CDH12: variants seen among roughly 807,000 people sequenced by gnomAD.
The protein encoded by CDH12 is cadherin-12.
A neutral mutation model predicts 74.1 loss-of-function variants in CDH12; 41 were observed. The observed-to-expected ratio is 0.55, with a 90% CI of 0.43 to 0.72. The LOEUF (loss-of-function observed/expected upper bound fraction) is 0.72. Ranked by LOEUF, CDH12 falls within the 30% of genes least tolerant of loss-of-function variation. The probability of loss-of-function intolerance (pLI) is 0.00; values close to 1 mark genes in which losing one functional copy is unlikely to be tolerated. For missense variants in CDH12, 945 were observed against 977.2 expected, an observed-to-expected ratio of 0.97 and a Z score of 0.44; for synonymous variants, 399 against 355.0, an observed-to-expected ratio of 1.12 and a Z score of -1.39.
chr5:22,376,459 T>C (rs1375872334), intron 3 of CDH12, among the ~76,000 whole-genome samples: 1 of 152,168 alleles, frequency 6.6e-6, no homozygotes, highest in African/African-American at 2.4e-5. Context: ...GGACTTGAAA[T>C]GTTTCTAACA....
Position 21,877,824 on chromosome 5 carries a change from T to C in CDH12, c.527-23034A>G, listed in dbSNP as rs180943217. 2.8e-4 allele frequency among the ~76,000 whole-genome samples: 43 copies of C among 152,322 alleles called. No individual in the cohort carries two copies. In the East Asian group the frequency reaches 8.3e-3, roughly 29 times the overall value. On this transcript the variant is annotated intron_variant, in intron 6 of 14. Coordinates refer to ENST00000382254, the MANE Select transcript of CDH12 (RefSeq NM_004061.5). ...TACAGAAGAGTGTACAATTCTACTT[T>C]CCATTACCAGATAGAGCATGAGCTT...
intron 4 of CDH12, among the ~76,000 whole-genome samples, chr5:22,081,641 A>G (rs1033708863): frequency 6.6e-6 from 1 of 152,216 alleles, no homozygotes; most frequent in African/African-American, 2.4e-5. Flanking sequence ...TTTAGAGAAC[A>G]CTGACATCTA....
intron 3 of CDH12, among the ~76,000 whole-genome samples, chr5:22,272,018 C>A (rs748115924): frequency 6.6e-6 from 1 of 152,244 alleles, no homozygotes; most frequent in Admixed American, 6.5e-5. Flanking sequence ...GCCTGTCCTT[C>A]GAACTTTGAA....
chr5:22,439,673 A>C (rs148012697), intron 2 of CDH12, among the ~76,000 whole-genome samples: 1 of 152,076 alleles, frequency 6.6e-6, no homozygotes, highest in South Asian at 2.1e-4. Context: ...GCTGCTACCA[A>C]TTGTGTACAT....
At chr5:21,992,409 T>C (rs1451531983) in intron 5 of CDH12, among the ~76,000 whole-genome samples, 2 of 152,174 alleles carry the variant, frequency 1.3e-5, no homozygotes, top group Non-Finnish European at 2.9e-5. Context: ...TTCAGGATTA[T>C]GAAAGCAGGT....
chr5:21,842,439 A>G lies in CDH12; in HGVS notation c.647-111T>C, dbSNP rs188609482. On this transcript the variant is annotated intron_variant, in intron 7 of 14. Transcript: ENST00000382254. ...TCTACCTAGAATCACTAACAGAGACATAATAGCTAAAATTGTATCTTTTAA... is the reference window on the plus strand; with the variant it reads ...TCTACCTAGAATCACTAACAGAGACGTAATAGCTAAAATTGTATCTTTTAA... The G allele has an allele frequency of 3.1e-3, 2,075 of 673,826 alleles. 20 individuals are homozygous for G. The highest frequency in any genetic ancestry group is 4.7e-3 in the South Asian group (203 of 42,858). The allele number at this position is 673,826 out of a possible 1,614,324, so 41.7% of individuals were successfully genotyped here. A position where few individuals can be genotyped will look rare whatever the true frequency, so the allele number is the denominator to read the frequency against.
intron 4 of CDH12, among the ~76,000 whole-genome samples, chr5:22,089,223 C>T (rs774685569): frequency 3.3e-5 from 5 of 152,088 alleles, no homozygotes; most frequent in Non-Finnish European, 5.9e-5. Flanking sequence ...AATGACCAAG[C>T]AAATAACAAC....
chr5:21,911,511 C>T (rs1753857776), intron 6 of CDH12, among the ~76,000 whole-genome samples: 3 of 151,888 alleles, frequency 2.0e-5, no homozygotes, highest in Admixed American at 2.0e-4. Context: ...AGATACTATA[C>T]ATGAAGTATA....
intron 1 of CDH12, among the ~76,000 whole-genome samples, chr5:22,516,622 T>G (rs1736817329): frequency 6.6e-6 from 1 of 151,832 alleles, no homozygotes; most frequent in African/African-American, 2.4e-5. Context: ...TGGCGAAACC[T>G]TGTCTCCACA....
chr5:22,261,605 T>G (rs12521243), intron 3 of CDH12, among the ~76,000 whole-genome samples: 1 of 151,886 alleles, frequency 6.6e-6, no homozygotes. Context: ...CCAATTTTCA[T>G]ACAAATTAAT....
intron 3 of CDH12, among the ~76,000 whole-genome samples, chr5:22,326,714 A>G (rs540925514): frequency 2.0e-4 from 31 of 152,340 alleles, no homozygotes; most frequent in East Asian, 7.7e-4. Flanking sequence ...TTGTACCTAT[A>G]AAATCCTGTC....
intron 4 of CDH12, among the ~76,000 whole-genome samples, chr5:22,113,795 TTC>T (rs1392241936): frequency 6.6e-6 from 1 of 152,166 alleles, no homozygotes; most frequent in Non-Finnish European, 1.5e-5. Flanking sequence ...TAATTTCTTA[TTC>T]TCTCTGCTTT....
chr5:22,218,730 T>A (rs1190607108), intron 3 of CDH12, among the ~76,000 whole-genome samples: 1 of 151,726 alleles, frequency 6.6e-6, no homozygotes, highest in Non-Finnish European at 1.5e-5. Context: ...GTATATAAAT[T>A]ATACCTCAAT....
intron 4 of CDH12, among the ~76,000 whole-genome samples, chr5:22,169,194 CT>C (rs543102747): frequency 1.1e-3 from 159 of 148,726 alleles, no homozygotes; most frequent in Non-Finnish European, 1.8e-3. Flanking sequence ...GTTTGTCTTT[CT>C]GTCTTTTTTT....
At chr5:22,197,611 C>G (rs1750697143) in intron 4 of CDH12, among the ~76,000 whole-genome samples, 1 of 152,104 alleles carries the variant, frequency 6.6e-6, no homozygotes, top group African/African-American at 2.4e-5. Context: ...TCTAAATTAG[C>G]TTTCATTGCT....
At chr5:22,687,037 T>C (rs189012757) in intron 1 of CDH12, among the ~76,000 whole-genome samples, 1 of 152,348 alleles carries the variant, frequency 6.6e-6, no homozygotes, top group Non-Finnish European at 1.5e-5. Flanking sequence ...GGCTCATGCC[T>C]GTAATCCCAG....
At chr5:22,600,696 G>T (rs939500839) in intron 1 of CDH12, among the ~76,000 whole-genome samples, 14 of 151,492 alleles carry the variant, frequency 9.2e-5, no homozygotes, top group South Asian at 4.2e-4. Flanking sequence ...TTTTTCCTTT[G>T]GTACTATTTA....
intron 1 of CDH12, among the ~76,000 whole-genome samples, chr5:22,671,445 T>C (rs1740894250): frequency 5.9e-5 from 1 of 16,892 alleles, no homozygotes; most frequent in Non-Finnish European, 1.1e-4. Context: ...TACTGGCACT[T>C]GGAATAGGGT....
chr5:21,838,827 C>T (rs1749682365), intron 8 of CDH12, among the ~76,000 whole-genome samples: 1 of 152,164 alleles, frequency 6.6e-6, no homozygotes, highest in African/African-American at 2.4e-5. Flanking sequence ...TGCCCCTTTG[C>T]CCAGGCTATT....
Sources: gnomAD v4.1 joint callset for allele counts (sites outside exome capture counted in the v4.1 genomes callset) on GRCh38, gnomAD v4.1.1 for gene constraint, MANE v1.5 for transcripts, NCBI Gene and HGNC (gene_info 2026-07-23, HGNC 2026-07-21) for gene names.